Variants in SFI1 observed in about 807,000 individuals in gnomAD.
SFI1 encodes the protein SFI1 centrin binding protein.
Under a neutral mutation model 207.5 loss-of-function variants are expected in SFI1, and 195 were observed. The ratio of observed to expected loss-of-function variants is 0.94; its 90% CI spans 0.84 to 1.06. The LOEUF is 1.06. Ranked by LOEUF, SFI1 falls within the 50% of genes least tolerant of loss-of-function variation. The pLI is 0.00. For missense variants in SFI1, 1,634 were observed against 1,588.0 expected (o/e 1.03, Z -0.49); for synonymous variants, 630 against 598.9 (o/e 1.05, Z -0.76).
At chr22:31,543,172 G>A (rs111963602) in intron 4 of SFI1, among the ~76,000 whole-genome samples, 141 of 151,732 alleles carry the variant, frequency 9.3e-4, no homozygotes, top group Admixed American at 2.0e-3. Context: ...GGGTTTCACC[G>A]TGTTAGCCAG....
At chr22:31,560,405 T>G (rs1045289309) in intron 7 of SFI1, among the ~76,000 whole-genome samples, 1 of 148,226 alleles carries the variant, frequency 6.7e-6, no homozygotes. Flanking sequence ...ATACTCTTTT[T>G]TTTTTTTTTT....
At chr22:31,526,522 A>G (rs960896916) in intron 2 of SFI1, among the ~76,000 whole-genome samples, 1 of 152,150 alleles carries the variant, frequency 6.6e-6, no homozygotes, top group Admixed American at 6.6e-5. Context: ...ACAATTGCAG[A>G]TGCGATTTGG....
chr22:31,612,214 T>A (rs58807171), intron 24 of SFI1: 14,223 of 347,934 alleles, frequency 0.041, 298 homozygotes, highest in African/African-American at 0.05. Context: ...CCGTCTCTAC[T>A]AAAAATACAA....
Position 31,573,129 on chromosome 22 carries a change from ACAT to A in SFI1, c.843_845del (p.His281del). On this transcript the variant is annotated inframe_deletion, in exon 9 of 33. Transcript: ENST00000400288. ...AACAAAAGGTTGTCTCTGCAGTGAA[ACAT>A]CATCAGCACTGGCAAAAACGGAGAT... is the stretch of plus-strand genomic sequence containing the variant. 2 of 1,614,032 alleles carry A rather than the reference ACAT, an allele frequency of 1.2e-6. No individual in the cohort carries two copies. The highest frequency in any genetic ancestry group is 8.5e-7 in the Non-Finnish European group (1 of 1,179,998).
chr22:31,582,218 A>AT (rs1351387888), intron 12 of SFI1, among the ~76,000 whole-genome samples: 1 of 29,152 alleles, frequency 3.4e-5, no homozygotes, highest in African/African-American at 1.4e-4. Flanking sequence ...ATATATATAT[A>AT]TATATATATA....
chr22:31,499,409 T>C (rs1569143219), intron 1 of SFI1, among the ~76,000 whole-genome samples: 1 of 152,148 alleles, frequency 6.6e-6, no homozygotes, highest in Non-Finnish European at 1.5e-5. Flanking sequence ...TTAGCCAGGA[T>C]GGTCTCCATC....
At chr22:31,593,998 G>C (rs1337570325) in intron 15 of SFI1, among the ~76,000 whole-genome samples, 1,489 of 82,900 alleles carry the variant, frequency 0.018, 12 homozygotes, top group Non-Finnish European at 0.024. Context: ...GAGGGAGAGG[G>C]AGAGGGACAG....
At chr22:31,536,562 C>T (rs1202518341) in intron 4 of SFI1, among the ~76,000 whole-genome samples, 3 of 152,176 alleles carry the variant, frequency 2.0e-5, no homozygotes, top group African/African-American at 4.8e-5. Flanking sequence ...AAGGTGCACG[C>T]CACCATGCTC....
chr22:31,539,311 T>G lies in SFI1; in HGVS notation c.339-7550T>G, dbSNP rs150845556. Among the ~76,000 whole-genome samples the G allele has an allele frequency of 3.9e-3, 598 of 152,264 alleles. 2 individuals carry two copies. Among genetic ancestry groups the G allele is most frequent in the African/African-American group, 0.013 (552 of 41,570 alleles). ...GAGTAAATCAAGTCACATCATTCTG[T>G]CAAACTTCCAGTGGCTTCCTGCTGA... On this transcript the variant is annotated intron_variant, in intron 4 of 32. Coordinates refer to ENST00000400288, the MANE Select transcript of SFI1 (RefSeq NM_001007467.3).
chr22:31,551,087 C>T (rs1941818298), intron 6 of SFI1, among the ~76,000 whole-genome samples: 1 of 152,184 alleles, frequency 6.6e-6, no homozygotes, highest in Admixed American at 6.6e-5. Flanking sequence ...TGCATTGCTA[C>T]TGCCTGAGAG....
At chr22:31,532,570 T>C (rs933663307) in intron 4 of SFI1, among the ~76,000 whole-genome samples, 1 of 152,212 alleles carries the variant, frequency 6.6e-6, no homozygotes, top group Admixed American at 6.5e-5. Context: ...CTTTCCTGTT[T>C]CATTTTTTGA....
At chr22:31,562,178 CTCAT>C (rs753527287) in intron 8 of SFI1, among the ~76,000 whole-genome samples, 32 of 152,168 alleles carry the variant, frequency 2.1e-4, no homozygotes, top group Non-Finnish European at 3.5e-4. Flanking sequence ...TGCTGCTACA[CTCAT>C]TCATTTATAT....
intron 15 of SFI1, among the ~76,000 whole-genome samples, chr22:31,592,924 A>G (rs1165552562): frequency 1.2e-5 from 1 of 85,812 alleles, no homozygotes. Flanking sequence ...ACTTCCCAGT[A>G]GGGGCGGCCG....
chr22:31,609,757 G>T (rs1871920714), intron 22 of SFI1, among the ~76,000 whole-genome samples: 1 of 152,360 alleles, frequency 6.6e-6, no homozygotes, highest in East Asian at 1.9e-4. Flanking sequence ...CCAGCACTGT[G>T]TTTCTAGTTT....
At chr22:31,617,163 A>G (rs2071716227) in intron 31 of SFI1, 85 bp downstream of exon 31, 3 of 1,456,624 alleles carry the variant, frequency 2.1e-6, no homozygotes, top group Non-Finnish European at 2.8e-6. Context: ...ATTTCCCCCG[A>G]GCCAGCTGCC....
At chr22:31,544,593 A>T (rs2059902525) in intron 4 of SFI1, among the ~76,000 whole-genome samples, 1 of 152,068 alleles carries the variant, frequency 6.6e-6, no homozygotes, top group Admixed American at 6.6e-5. Flanking sequence ...CCTCTACAAA[A>T]AATAAAAAAT....
chr22:31,614,681 C>T, intron 27 of SFI1, 108 bp from the exon 28 acceptor site: 1 of 1,340,560 alleles, frequency 7.5e-7, no homozygotes, highest in Non-Finnish European at 1.1e-6. Flanking sequence ...TTGGCCTCGC[C>T]TTTCCTGACT....
At chr22:31,498,307 T>A (rs953634335) in intron 1 of SFI1, among the ~76,000 whole-genome samples, 1 of 146,848 alleles carries the variant, frequency 6.8e-6, no homozygotes, top group African/African-American at 2.5e-5. Flanking sequence ...CAAAAAAATA[T>A]ATATATATTT....
chr22:31,501,460 G>T (rs139259231), intron 1 of SFI1, among the ~76,000 whole-genome samples: 1 of 152,072 alleles, frequency 6.6e-6, no homozygotes, highest in Non-Finnish European at 1.5e-5. Context: ...GTGAGTCACC[G>T]TGCCCAGCTG....
Sources: allele counts gnomAD v4.1 joint callset (sites outside exome capture counted in the v4.1 genomes callset), GRCh38; gene constraint gnomAD v4.1.1; transcripts MANE v1.5; gene names NCBI Gene and HGNC (gene_info 2026-07-23, HGNC 2026-07-21).